XPO7: variants seen among roughly 807,000 people sequenced by gnomAD.
XPO7 encodes exportin 7.
A neutral mutation model predicts 144.3 loss-of-function variants in XPO7; 21 were observed. The ratio of observed to expected loss-of-function variants is 0.15; its 90% CI spans 0.10 to 0.21. The LOEUF is 0.21. XPO7 is among the 10% of genes least tolerant of loss of function. The pLI, the probability that XPO7 is intolerant of heterozygous loss-of-function variation, is 1.00. For synonymous variants in XPO7, 580 were observed against 499.6 expected (o/e 1.16, Z -2.15); for missense variants, 808 against 1,325.8 (o/e 0.61, Z 6.06).
intron 1 of XPO7, among the ~76,000 whole-genome samples, chr8:21,931,429 G>C (rs932842114): frequency 1.5e-4 from 23 of 152,098 alleles, no homozygotes; most frequent in African/African-American, 5.6e-4. Flanking sequence ...ACAGTCGTGA[G>C]CCACCGTACC....
intron 10 of XPO7, 41 bp from the exon 11 acceptor site, chr8:21,982,599 G>A (rs749660710): frequency 6.5e-7 from 1 of 1,536,946 alleles, no homozygotes; most frequent in Non-Finnish European, 8.7e-7. Context: ...AACACGTACA[G>A]AAATGAAAAA....
intron 1 of XPO7, among the ~76,000 whole-genome samples, chr8:21,934,933 TA>T (rs762075106): frequency 1.3e-5 from 2 of 152,196 alleles, no homozygotes; most frequent in Non-Finnish European, 2.9e-5. Context: ...AAAGTGAAAG[TA>T]CACCACAAAG....
chr8:21,948,198 T>C (rs954710821), intron 1 of XPO7, among the ~76,000 whole-genome samples: 82 of 152,344 alleles, frequency 5.4e-4, no homozygotes, highest in African/African-American at 1.9e-3. Context: ...ATAGTGACAT[T>C]TTGGTCAACG....
intron 24 of XPO7, among the ~76,000 whole-genome samples, chr8:22,000,851 G>C (rs764978939): frequency 6.6e-6 from 1 of 152,176 alleles, no homozygotes; most frequent in Non-Finnish European, 1.5e-5. Flanking sequence ...CTGCCAAATA[G>C]TGATGATATG....
rs1288597193 is a variant in XPO7 at position 21,966,876 on chromosome 8, A to G, written c.38A>G (p.Asn13Ser). ...TTCCAGAGCCTGGCCCAACTAGAGA[A>G]TCTGTGCAAACAGCTGTATGAAACC... ...DHVQSLAQLENLCKQLYETTD... is the reference protein window; with the variant it reads ...DHVQSLAQLESLCKQLYETTD... Residue 13 changes from asparagine (N) to serine (S), a missense_variant, in exon 2 of 28, where the codon AAT (asparagine) becomes AGT (serine). Transcript: ENST00000252512. 13 of 1,613,236 alleles carry G rather than the reference A, an allele frequency of 8.1e-6. No individual in the cohort carries two copies. Among genetic ancestry groups the G allele is most frequent in the Non-Finnish European group, 1.0e-5 (12 of 1,179,502 alleles).
In XPO7 at chr8:22,002,922, A is replaced by C. The variant is rs530408223; in HGVS notation, c.2944-297A>C. 8.0e-5 allele frequency: 18 copies of C among 225,466 alleles called. No homozygotes were observed. In the East Asian group the frequency reaches 8.2e-4, roughly 10 times the overall value. 14.0% of individuals were successfully genotyped at this position (225,466 alleles called of 1,614,324 possible). A position where few individuals can be genotyped will look rare whatever the true frequency, so the allele number is the denominator to read the frequency against. On this transcript the variant is annotated intron_variant, in intron 25 of 27. Transcript: ENST00000252512. ...GGGATCATGCAAGGTGGTTTTGCTT[A>C]CTGTAATTTTGTTTACGTGACCCCA...
In XPO7 at chr8:21,966,947, T is replaced by A; in HGVS notation, c.109T>A (p.Phe37Ile). Residue 37 changes from phenylalanine to isoleucine, a missense_variant, in exon 2 of 28, where the codon TTT becomes ATT. Phe to Ile is a conservative substitution (Grantham distance 21). Coordinates refer to ENST00000252512, the MANE Select transcript of XPO7 (RefSeq NM_015024.5). ...CCAGGCAGAGAAAGCCTTGGTTGAATTTACCAACAGCCCTGATTGCCTGAG... is the reference window on the plus strand; with the variant it reads ...CCAGGCAGAGAAAGCCTTGGTTGAAATTACCAACAGCCCTGATTGCCTGAG... ...RLQAEKALVEFTNSPDCLSKC... is the reference protein window; with the variant it reads ...RLQAEKALVEITNSPDCLSKC... 1 of 1,613,996 alleles carries A rather than the reference T, an allele frequency of 6.2e-7. No homozygotes were observed. The highest frequency in any genetic ancestry group is 8.5e-7 in the Non-Finnish European group (1 of 1,179,880).
chr8:21,975,416 T>G (rs1812196223), intron 6 of XPO7, among the ~76,000 whole-genome samples: 1 of 152,238 alleles, frequency 6.6e-6, no homozygotes, highest in Non-Finnish European at 1.5e-5. Flanking sequence ...GAAAGAAGTG[T>G]TAAGCTGGGA....
chr8:21,960,920 C>A (rs1811706587), intron 1 of XPO7, among the ~76,000 whole-genome samples: 1 of 152,022 alleles, frequency 6.6e-6, no homozygotes, highest in Non-Finnish European at 1.5e-5. Context: ...AGAATTTGGG[C>A]AGAACTATGG....
chr8:21,942,935 AT>A (rs1811041574), intron 1 of XPO7, among the ~76,000 whole-genome samples: 1 of 152,232 alleles, frequency 6.6e-6, no homozygotes, highest in African/African-American at 2.4e-5. Flanking sequence ...AGTGAAGAAT[AT>A]AATGGCTCCC....
chr8:21,925,704 A>G (rs1810437169), intron 1 of XPO7, among the ~76,000 whole-genome samples: 1 of 152,222 alleles, frequency 6.6e-6, no homozygotes. Context: ...GCCTGGATTA[A>G]GTGATCTGTG....
intron 1 of XPO7, among the ~76,000 whole-genome samples, chr8:21,927,555 T>C (rs1386269981): frequency 6.6e-6 from 1 of 150,378 alleles, no homozygotes; most frequent in Non-Finnish European, 1.5e-5. Flanking sequence ...TTTTTTTTTT[T>C]TTTTCTTAAG....
At chr8:21,993,009 T>C (rs1251858325) in intron 19 of XPO7, among the ~76,000 whole-genome samples, 2 of 152,206 alleles carry the variant, frequency 1.3e-5, no homozygotes, top group Non-Finnish European at 2.9e-5. Context: ...AGCCTTTTCT[T>C]TTTCCATCTA....
intron 1 of XPO7, among the ~76,000 whole-genome samples, chr8:21,933,926 T>G (rs1234848931): frequency 6.6e-6 from 1 of 152,228 alleles, no homozygotes; most frequent in Non-Finnish European, 1.5e-5. Context: ...AGATAATGTA[T>G]GAATTTTAAC....
At chr8:21,975,383 A>G (rs1812195537) in intron 6 of XPO7, among the ~76,000 whole-genome samples, 1 of 152,248 alleles carries the variant, frequency 6.6e-6, no homozygotes, top group Non-Finnish European at 1.5e-5. Flanking sequence ...TTTTCAATTC[A>G]TTTATTGATA....
At chr8:21,951,283 A>G (rs1156515539) in intron 1 of XPO7, among the ~76,000 whole-genome samples, 2 of 151,326 alleles carry the variant, frequency 1.3e-5, no homozygotes, top group Non-Finnish European at 1.5e-5. Context: ...TTTTAAACCT[A>G]TGAGGCCTAC....
intron 1 of XPO7, among the ~76,000 whole-genome samples, chr8:21,959,027 G>T (rs1397671675): frequency 6.6e-6 from 1 of 151,762 alleles, no homozygotes; most frequent in Non-Finnish European, 1.5e-5. Context: ...GTGTAAGTCA[G>T]GTAACTCAAA....
intron 1 of XPO7, among the ~76,000 whole-genome samples, chr8:21,928,639 C>T (rs557462720): frequency 3.9e-5 from 6 of 152,276 alleles, no homozygotes; most frequent in Middle Eastern, 3.4e-3. Context: ...TTGAGTATCT[C>T]TTCATGTGCT....
intron 1 of XPO7, among the ~76,000 whole-genome samples, chr8:21,953,481 T>G (rs1811437544): frequency 6.6e-6 from 1 of 152,226 alleles, no homozygotes; most frequent in Non-Finnish European, 1.5e-5. Context: ...GCTATAAACA[T>G]TTGTGTACAG....
Sources: gnomAD v4.1 joint callset for allele counts (sites outside exome capture counted in the v4.1 genomes callset) on GRCh38, gnomAD v4.1.1 for gene constraint, MANE v1.5 for transcripts, NCBI Gene and HGNC (gene_info 2026-07-23, HGNC 2026-07-21) for gene names.